ITPRID2: variants seen among roughly 807,000 people sequenced by gnomAD.
ITPRID2 encodes the protein protein ITPRID2.
Under a neutral mutation model 124.3 loss-of-function variants are expected in ITPRID2, and 60 were observed. The observed-to-expected ratio is 0.48, with a 90% CI of 0.39 to 0.60. The LOEUF (loss-of-function observed/expected upper bound fraction) is 0.60. ITPRID2 is among the 20% of genes least tolerant of loss of function. ITPRID2 has a pLI of 0.00. For synonymous variants in ITPRID2, 521 were observed against 542.9 expected, an observed-to-expected ratio of 0.96 and a Z score of 0.56; for missense variants, 1,553 against 1,512.2, an observed-to-expected ratio of 1.03 and a Z score of -0.45.
At chr2:181,894,473 T>A (rs1472260007) in intron 2 of ITPRID2, 2 of 152,212 alleles carry the variant, frequency 1.3e-5, no homozygotes, top group Non-Finnish European at 2.9e-5. Flanking sequence ...AGTCTTTTAA[T>A]CTTGGCTATA....
At position 181,901,856 on chromosome 2, in the gene ITPRID2, T is replaced by C. The variant is rs142152971; in HGVS notation, c.803T>C (p.Ile268Thr). 10 of 1,613,830 alleles carry C rather than the reference T, an allele frequency of 6.2e-6. No homozygotes were observed. The highest frequency in any genetic ancestry group is 4.5e-5 in the East Asian group (2 of 44,872). ...SQVSGTPLQRIGSMSSVTSNK... is the reference protein window; with the variant it reads ...SQVSGTPLQRTGSMSSVTSNK... ...GTCTCCGGGACGCCCCTGCAGAGAA[T>C]TGGAAGTATGTCCTCAGTGACCTCT... is the stretch of plus-strand genomic sequence containing the variant. Residue 268 changes from isoleucine (I) to threonine (T), a missense_variant, in exon 8 of 18, where the codon ATT becomes ACT. Ile to Thr is a moderately conservative substitution (Grantham distance 89). Coordinates refer to ENST00000431877, the MANE Select transcript of ITPRID2 (RefSeq NM_001130445.3).
chr2:181,920,265 G>C (rs1461345342), intron 14 of ITPRID2, among the ~76,000 whole-genome samples: 1 of 152,162 alleles, frequency 6.6e-6, no homozygotes, highest in Non-Finnish European at 1.5e-5. Flanking sequence ...GTATAGCATA[G>C]ACTAAGGATG....
chr2:181,901,348 C>T (rs1270766063), intron 7 of ITPRID2, among the ~76,000 whole-genome samples: 3 of 152,092 alleles, frequency 2.0e-5, no homozygotes, highest in South Asian at 4.1e-4. Context: ...GTTCATGGAT[C>T]AGTTTTAAGA....
rs377337035 is a variant in ITPRID2, at chr2:181,902,344, A to C, written c.1291A>C (p.Asn431His). 1 of 1,614,024 alleles carries C rather than the reference A, an allele frequency of 6.2e-7. No individual in the cohort carries two copies. Among genetic ancestry groups the C allele is most frequent in the Non-Finnish European group, 8.5e-7 (1 of 1,179,908 alleles). Residue 431 changes from asparagine (N) to histidine (H), a missense_variant, in exon 8 of 18, where the codon AAT becomes CAT. By Grantham distance (68) the Asn-to-His change is moderately conservative (BLOSUM62 1). Transcript: ENST00000431877. This position sits in a 1 kb window ranked among gnomAD's most constrained non-coding sequence, Gnocchi z 4.4. ...CATATCCAGCCACAGTGAGCTGGAA[A>C]ATAGCAGTGAGCTGAAAAGTGTCCA... ...FNISSHSELE[N>H]SSELKSVHIS...
At chr2:181,916,899 T>A in intron 11 of ITPRID2, 1 of 996,066 alleles carries the variant, frequency 1.0e-6, no homozygotes, top group South Asian at 4.4e-5. Flanking sequence ...GCTCTCTGAC[T>A]AAGCTTTCCC....
At chr2:181,916,484 T>C in intron 11 of ITPRID2, 57 bp downstream of exon 11, 1 of 1,545,158 alleles carries the variant, frequency 6.5e-7, no homozygotes, top group Non-Finnish European at 8.7e-7. Context: ...TGAGCACTTT[T>C]TAATTCACAG....
intron 16 of ITPRID2, among the ~76,000 whole-genome samples, 160 bp from the exon 17 acceptor site, chr2:181,928,001 A>G (rs1694989384): frequency 6.6e-6 from 1 of 152,190 alleles, no homozygotes; most frequent in African/African-American, 2.4e-5. Flanking sequence ...GGGTTGGATG[A>G]TAGATGGACT....
Position 181,905,897 on chromosome 2 carries a change from G to A in ITPRID2, c.1413+3431G>A, listed in dbSNP as rs1693069383. 6.6e-6 allele frequency among the ~76,000 whole-genome samples: 1 copy of A among 152,122 alleles called. No homozygotes were observed. Among genetic ancestry groups the A allele is most frequent in the Non-Finnish European group, 1.5e-5 (1 of 68,002 alleles). On this transcript the variant is annotated intron_variant, in intron 8 of 17. Transcript: ENST00000431877. This position sits in a 1 kb window ranked among gnomAD's most constrained non-coding sequence, Gnocchi z 4.1. ...TTTTAAATGTAACTGTGTATGTTTT[G>A]AAGATAAGCCTGCCCTGGAATATGA...
At position 181,930,178 on chromosome 2, in the gene ITPRID2, A is replaced by G. The variant is rs1695176618; in HGVS notation, c.*631A>G. On this transcript the variant is annotated 3_prime_UTR_variant, in exon 18 of 18. Transcript: ENST00000431877. ...TACCCAAGACAAATGTAATTTTATCATTGCTTATGTAGTATTTTTCTTTTG... is the reference window on the plus strand; with the variant it reads ...TACCCAAGACAAATGTAATTTTATCGTTGCTTATGTAGTATTTTTCTTTTG... 6.6e-6 allele frequency: 1 copy of G among 152,634 alleles called. No homozygotes were observed. The highest frequency in any genetic ancestry group is 1.5e-5 in the Non-Finnish European group (1 of 68,008). The allele number at this position is 152,634 out of a possible 1,614,324, so 9.5% of individuals were successfully genotyped here.
At chr2:181,908,490 A>G (rs1693335710) in intron 8 of ITPRID2, among the ~76,000 whole-genome samples, 1 of 152,236 alleles carries the variant, frequency 6.6e-6, no homozygotes, top group Non-Finnish European at 1.5e-5. Flanking sequence ...TCCCTTGCAT[A>G]CAAGACAATG....
intron 16 of ITPRID2, among the ~76,000 whole-genome samples, chr2:181,924,478 A>G (rs566157925): frequency 5.9e-5 from 9 of 152,176 alleles, no homozygotes; most frequent in Non-Finnish European, 1.2e-4. Flanking sequence ...TTCCTAGCAG[A>G]TCTGAGCCCC....
In ITPRID2 at chr2:181,892,595, T is replaced by TC; in HGVS notation, c.212-16dup. 1.9e-6 allele frequency: 3 copies of TC among 1,614,020 alleles called. No individual in the cohort carries two copies. Among genetic ancestry groups the TC allele is most frequent in the Non-Finnish European group, 2.5e-6 (3 of 1,179,956 alleles). ...AGTGCTCCTGGGTGGTAACGTGCTG[T>TC]CCCCTCTCTCTACCCCCAGGAAACG... On this transcript the variant is annotated intron_variant, in intron 1 of 17. Coordinates refer to ENST00000431877, the MANE Select transcript of ITPRID2 (RefSeq NM_001130445.3). This position sits in a 1 kb window ranked among gnomAD's most constrained non-coding sequence, Gnocchi z 5.2.
At chr2:181,924,443 C>A (rs1694703754) in intron 16 of ITPRID2, among the ~76,000 whole-genome samples, 1 of 151,942 alleles carries the variant, frequency 6.6e-6, no homozygotes, top group Non-Finnish European at 1.5e-5. Flanking sequence ...GTACAGCTAC[C>A]AAGAAAATTA....
Position 181,918,813 on chromosome 2 carries a change from T to C in ITPRID2, c.2924T>C (p.Met975Thr). Reference sequence around the variant, plus strand: ...AGCCTGAATTTGTTTAGAACACAAATGATGGATTTAGAATTGGCAATGCTG... The same window carrying C: ...AGCCTGAATTTGTTTAGAACACAAACGATGGATTTAGAATTGGCAATGCTG... Reference protein sequence around the residue: ...RRSLNLFRTQMMDLELAMLRQ... With the variant: ...RRSLNLFRTQTMDLELAMLRQ... The change falls in exon 13 of 18, where the codon ATG becomes ACG. Residue 975 changes from methionine to threonine, a missense_variant. By Grantham distance (81) the Met-to-Thr change is moderately conservative (BLOSUM62 -1). Transcript: ENST00000431877. 7.4e-6 allele frequency: 12 copies of C among 1,614,206 alleles called. No homozygotes were observed. Among genetic ancestry groups the C allele is most frequent in the Non-Finnish European group, 1.0e-5 (12 of 1,180,012 alleles).
At chr2:181,909,656 T>C (rs781512519) in intron 8 of ITPRID2, among the ~76,000 whole-genome samples, 5 of 152,198 alleles carry the variant, frequency 3.3e-5, no homozygotes, top group Non-Finnish European at 5.9e-5. Context: ...GATGCACTAA[T>C]TTCCATCAGT....
Position 181,892,812 on chromosome 2 carries a change from C to G in ITPRID2, c.257+152C>G. 2 of 831,884 alleles carry G rather than the reference C, an allele frequency of 2.4e-6. No individual in the cohort carries two copies. The highest frequency in any genetic ancestry group is 3.8e-6 in the Non-Finnish European group (2 of 521,152). The allele number at this position is 831,884 out of a possible 1,614,324, so 51.5% of individuals were successfully genotyped here. A position where few individuals can be genotyped will look rare whatever the true frequency, so the allele number is the denominator to read the frequency against. On this transcript the variant is annotated intron_variant, in intron 2 of 17. Transcript: ENST00000431877. This position sits in a 1 kb window ranked among gnomAD's most constrained non-coding sequence, Gnocchi z 5.2. Reference sequence around the variant, plus strand: ...CCGGCGGATAGCTTCCTCCTCTAAGCGATTAGAAATGGAAGTGCTGTGACC... The same window carrying G: ...CCGGCGGATAGCTTCCTCCTCTAAGGGATTAGAAATGGAAGTGCTGTGACC...
chr2:181,896,861 T>G lies in ITPRID2; in HGVS notation c.308-47T>G. 6.9e-7 allele frequency: 1 copy of G among 1,442,838 alleles called. No individual in the cohort carries two copies. The highest frequency in any genetic ancestry group is 1.2e-5 in the South Asian group (1 of 86,590). 89.4% of individuals were successfully genotyped at this position (1,442,838 alleles called of 1,614,324 possible). On this transcript the variant is annotated intron_variant, in intron 3 of 17. Coordinates refer to ENST00000431877, the MANE Select transcript of ITPRID2 (RefSeq NM_001130445.3). The surrounding 1 kb of genome is among the most constrained non-coding windows in gnomAD (Gnocchi z 4.3). The stretch of plus-strand genomic sequence containing the variant: ...CTAAAACAGTGATTTTATATGAGGG[T>G]GGAGAGGAACAGAACACCAGGATGA...
rs771229789 is a variant in ITPRID2 at position 181,922,205 on chromosome 2, G to A, written c.3468G>A (p.Thr1156=). ...TGTTCCGAGCATCGGTGGCTCTAAC[G>A]CCAACAGCTCCTTCTAGAACAGGCT... ...KKVFRASVAL[T]PTAPSRTGSV... is the part of the protein sequence containing the mutation. Residue 1156 remains threonine (T), a synonymous_variant, in exon 16 of 18, where the codon ACG becomes ACA. Coordinates refer to ENST00000431877, the MANE Select transcript of ITPRID2 (RefSeq NM_001130445.3). The A allele has an allele frequency of 1.8e-5, 29 of 1,614,108 alleles. No individual in the cohort carries two copies. Among genetic ancestry groups the A allele is most frequent in the East Asian group, 6.7e-5 (3 of 44,906 alleles).
At position 181,892,553 on chromosome 2, in the gene ITPRID2, G is replaced by C. The variant is rs367956068; in HGVS notation, c.212-62G>C. On this transcript the variant is annotated intron_variant, in intron 1 of 17. Transcript: ENST00000431877. This position sits in a 1 kb window ranked among gnomAD's most constrained non-coding sequence, Gnocchi z 5.2. ...GATTTTCCTACTTGGGAGGGTCCAG[G>C]GTGACTCCGCCGTCGTAGTGCTCCT... The C allele has an allele frequency of 6.2e-7, 1 of 1,602,902 alleles. No homozygotes were observed. Among genetic ancestry groups the C allele is most frequent in the Non-Finnish European group, 8.5e-7 (1 of 1,169,994 alleles).
Sources: allele counts gnomAD v4.1 joint callset (sites outside exome capture counted in the v4.1 genomes callset), GRCh38; gene constraint gnomAD v4.1.1; non-coding constraint Gnocchi (gnomAD v3.1); transcripts MANE v1.5; gene names NCBI Gene and HGNC (gene_info 2026-07-23, HGNC 2026-07-21).